Variants in CP observed in about 807,000 individuals in gnomAD.
CP encodes the protein caeruloplasmin.
In CP, 64 loss-of-function variants were observed where a neutral mutation model predicts 122.4. The observed-to-expected ratio is 0.52, with a 90% CI of 0.43 to 0.64. The LOEUF (loss-of-function observed/expected upper bound fraction) is 0.64. Among genes scored for constraint, CP ranks in the 30% least tolerant of loss-of-function variants. The pLI, the probability that CP is intolerant of heterozygous loss-of-function variation, is 0.00. For synonymous variants in CP, 440 were observed against 436.4 expected, an observed-to-expected ratio of 1.01 and a Z score of -0.10; for missense variants, 1,167 against 1,284.4, an observed-to-expected ratio of 0.91 and a Z score of 1.40.
In CP at chr3:149,185,427, G is replaced by A; in HGVS notation, c.2097C>T (p.Cys699=). 1.2e-6 allele frequency: 2 copies of A among 1,614,068 alleles called. No homozygotes were observed. Among genetic ancestry groups the A allele is most frequent in the South Asian group, 1.1e-5 (1 of 91,078 alleles). ...CGCCTGTGTAATGATCAGTTGTAAG[G>A]CATTCAACATTAAAAGTCCCTGGAG... The part of the protein sequence containing the change: ...PDTEGTFNVE[C]LTTDHYTGGM... The change falls in exon 12 of 19, where the codon TGC becomes TGT. Residue 699 remains cysteine (C), a synonymous_variant. Coordinates refer to ENST00000264613, the MANE Select transcript of CP (RefSeq NM_000096.4).
At chr3:149,169,542 G>T (rs771038012), downstream of CP, among the ~76,000 whole-genome samples, 2 of 152,174 alleles carry the variant, frequency 1.3e-5, no homozygotes, top group Admixed American at 1.3e-4. Flanking sequence ...GTCCGTGTGC[G>T]TGGGGGTTTC....
intron 9 of CP, among the ~76,000 whole-genome samples, chr3:149,197,229 T>C (rs1172729267): frequency 1.3e-5 from 2 of 152,160 alleles, no homozygotes; most frequent in African/African-American, 4.8e-5. Context: ...ACAAAGCCTG[T>C]TTGGTGGTCT....
chr3:149,188,500 A>C (rs74698343), intron 9 of CP, among the ~76,000 whole-genome samples: 2 of 148,018 alleles, frequency 1.4e-5, no homozygotes, highest in Admixed American at 6.7e-5. Context: ...CAAAAAAAAA[A>C]AAAAAAAAAA....
chr3:149,220,249 G>A, intron 1 of CP, among the ~76,000 whole-genome samples: 1 of 152,168 alleles, frequency 6.6e-6, no homozygotes, highest in East Asian at 1.9e-4. Flanking sequence ...GTTTATGCCT[G>A]ATAAAGCTGA....
At position 149,206,232 on chromosome 3, in the gene CP, T is replaced by A; in HGVS notation, c.1144A>T (p.Ile382Phe). 6.2e-7 allele frequency: 1 copy of A among 1,614,060 alleles called. No homozygotes were observed. Among genetic ancestry groups the A allele is most frequent in the Non-Finnish European group, 8.5e-7 (1 of 1,179,910 alleles). The change falls in exon 6 of 19, where the codon ATC becomes TTC. Residue 382 changes from isoleucine to phenylalanine, a missense_variant. Ile to Phe is a conservative substitution (Grantham distance 21, BLOSUM62 0). Transcript: ENST00000264613. ...ATACCAGAGGGAGCATAGTTCCAGA[T>A]GATTTCCTCAGCGGCAATGTAGTAG... Reference protein sequence around the residue: ...RHYYIAAEEIIWNYAPSGIDI... With the variant: ...RHYYIAAEEIFWNYAPSGIDI...
intron 1 of CP, among the ~76,000 whole-genome samples, chr3:149,218,347 GTCTT>G (rs2108315288): frequency 6.6e-6 from 1 of 152,112 alleles, no homozygotes; most frequent in African/African-American, 2.4e-5. Flanking sequence ...CTCTTATAAA[GTCTT>G]TAACTACTTA....
rs1304093487 is a variant in CP, at chr3:149,200,700, G to A, written c.1349-836C>T. On this transcript the variant is annotated intron_variant, in intron 7 of 18. Transcript: ENST00000264613. The stretch of plus-strand genomic sequence containing the variant: ...TACTTTTTTTTTTTTTAGTAGAGAT[G>A]GGGTTTCGCCATGTTGACCAGGCTA... Among the ~76,000 whole-genome samples the A allele has an allele frequency of 3.3e-5, 5 of 151,270 alleles. No homozygotes were observed. In the East Asian group the frequency reaches 9.7e-4, roughly 29 times the overall value.
chr3:149,188,021 T>C (rs937730352), intron 10 of CP, 31 bp downstream of exon 10: 1 of 1,610,228 alleles, frequency 6.2e-7, no homozygotes, highest in African/African-American at 1.3e-5. Flanking sequence ...CTAAAATAAC[T>C]TGGTAGATTG....
chr3:149,179,397 T>G (rs2108219141), intron 15 of CP, among the ~76,000 whole-genome samples, 159 bp downstream of exon 15: 1 of 152,284 alleles, frequency 6.6e-6, no homozygotes, highest in Non-Finnish European at 1.5e-5. Flanking sequence ...TTGTCTTGTG[T>G]GTCATAGGTA....
intron 8 of CP, 49 bp downstream of exon 8, chr3:149,199,663 A>G: frequency 1.2e-6 from 2 of 1,608,910 alleles, no homozygotes; most frequent in Non-Finnish European, 1.7e-6. Flanking sequence ...TGACCAGTAC[A>G]GTGGGTTATT....
At chr3:149,188,632 G>A (rs798841) in intron 9 of CP, among the ~76,000 whole-genome samples, 2 of 150,938 alleles carry the variant, frequency 1.3e-5, no homozygotes, top group Non-Finnish European at 2.9e-5. Flanking sequence ...ATTTGAGGAA[G>A]AAATCATCCC....
intron 2 of CP, among the ~76,000 whole-genome samples, chr3:149,211,522 G>T (rs1270283782): frequency 6.6e-6 from 1 of 152,068 alleles, no homozygotes; most frequent in African/African-American, 2.4e-5. Context: ...GAGATCACAG[G>T]CACCAAACCT....
chr3:149,190,958 G>C (rs1254302886), intron 9 of CP, among the ~76,000 whole-genome samples: 3 of 152,096 alleles, frequency 2.0e-5, no homozygotes, highest in African/African-American at 7.2e-5. Context: ...CCATACTTAA[G>C]TGTTGTTCTC....
At chr3:149,189,689 C>G (rs1365939845) in intron 9 of CP, among the ~76,000 whole-genome samples, 1 of 151,650 alleles carries the variant, frequency 6.6e-6, no homozygotes, top group African/African-American at 2.4e-5. Context: ...AAATGTAACA[C>G]CAGGTAAAGA....
At chr3:149,193,203 G>T (rs916251236) in intron 9 of CP, among the ~76,000 whole-genome samples, 1 of 152,118 alleles carries the variant, frequency 6.6e-6, no homozygotes, top group African/African-American at 2.4e-5. Context: ...CATAAGTTGT[G>T]CCTGGCCTGT....
At chr3:149,221,561 A>C (rs1728807663) in intron 1 of CP, 86 bp downstream of exon 1, 3 of 1,365,826 alleles carry the variant, frequency 2.2e-6, no homozygotes. Flanking sequence ...TATATAAGAA[A>C]TTTTAAAAAT....
At chr3:149,219,245 A>G (rs1487128889) in intron 1 of CP, among the ~76,000 whole-genome samples, 1 of 152,212 alleles carries the variant, frequency 6.6e-6, no homozygotes, top group Non-Finnish European at 1.5e-5. Flanking sequence ...AATAACAAAA[A>G]GAGAGGTGGA....
intron 9 of CP, among the ~76,000 whole-genome samples, chr3:149,191,091 A>T (rs1726521032): frequency 6.6e-6 from 1 of 152,178 alleles, no homozygotes; most frequent in Non-Finnish European, 1.5e-5. Context: ...CTAAAAAGAA[A>T]TTTTTGTAAA....
At chr3:149,186,795 A>G (rs774992939) in intron 10 of CP, 63 bp from the exon 11 acceptor site, 66 of 1,488,284 alleles carry the variant, frequency 4.4e-5, no homozygotes, top group Non-Finnish European at 5.6e-5. Flanking sequence ...ACAACCTCAC[A>G]GACTTTCCAG....
Sources: allele counts gnomAD v4.1 joint callset (sites outside exome capture counted in the v4.1 genomes callset), GRCh38; gene constraint gnomAD v4.1.1; transcripts MANE v1.5; gene names NCBI Gene and HGNC (gene_info 2026-07-23, HGNC 2026-07-21).